DLG1: variants seen among roughly 807,000 people sequenced by gnomAD.
DLG1 encodes the protein discs large MAGUK scaffold protein 1.
A neutral mutation model predicts 123.4 loss-of-function variants in DLG1; 42 were observed. The observed-to-expected ratio is 0.34, with a 90% confidence interval of 0.27 to 0.44. DLG1 has a LOEUF of 0.44. Among genes scored for constraint, DLG1 ranks in the 20% least tolerant of loss-of-function variants. The pLI is 1.00. For synonymous variants in DLG1, 317 were observed against 356.2 expected (o/e 0.89, Z 1.24); for missense variants, 942 against 1,082.6 (o/e 0.87, Z 1.82).
chr3:197,082,886 C>T (rs996241536), intron 16 of DLG1, among the ~76,000 whole-genome samples: 1 of 152,068 alleles, frequency 6.6e-6, no homozygotes, highest in African/African-American at 2.4e-5. Context: ...AAAATCTCTC[C>T]AGTGAAGCCA....
chr3:197,243,374 G>T (rs1179381162), intron 4 of DLG1, among the ~76,000 whole-genome samples: 1 of 152,164 alleles, frequency 6.6e-6, no homozygotes, highest in African/African-American at 2.4e-5. Flanking sequence ...CCTTTGAAGA[G>T]AAACTGTTTG....
At chr3:197,289,031 A>G in intron 3 of DLG1, among the ~76,000 whole-genome samples, 1 of 152,178 alleles carries the variant, frequency 6.6e-6, no homozygotes, top group East Asian at 1.9e-4. Context: ...TTCTTGCTAT[A>G]TCTCACTGTG....
chr3:197,163,380 A>G (rs1018481280), intron 5 of DLG1, among the ~76,000 whole-genome samples: 1 of 152,188 alleles, frequency 6.6e-6, no homozygotes, highest in Admixed American at 6.5e-5. Flanking sequence ...CATATTCCCA[A>G]AAGTGAGAGC....
At chr3:197,260,750 C>CAAAAAAA (rs570596943) in intron 4 of DLG1, among the ~76,000 whole-genome samples, 9 of 18,314 alleles carry the variant, frequency 4.9e-4, no homozygotes, top group East Asian at 3.1e-3. Context: ...TGACAACCAC[C>CAAAAAAA]AAAAAAAAAA....
chr3:197,100,700 A>T (rs977429691), intron 14 of DLG1, among the ~76,000 whole-genome samples: 1 of 152,198 alleles, frequency 6.6e-6, no homozygotes, highest in African/African-American at 2.4e-5. Context: ...CCAGAACCCC[A>T]GAGTTGCCAC....
chr3:197,263,169 G>T (rs566582670), intron 4 of DLG1, among the ~76,000 whole-genome samples: 6 of 152,300 alleles, frequency 3.9e-5, no homozygotes, highest in African/African-American at 1.4e-4. Context: ...CCTTTACCTG[G>T]TTGCTCTCTT....
At chr3:197,066,502 A>G (rs1739647913) in intron 20 of DLG1, among the ~76,000 whole-genome samples, 1 of 152,306 alleles carries the variant, frequency 6.6e-6, no homozygotes, top group South Asian at 2.1e-4. Context: ...ACACAAATAT[A>G]AAAGTCAGTA....
At chr3:197,145,573 T>C (rs1036286972) in intron 6 of DLG1, among the ~76,000 whole-genome samples, 2 of 152,186 alleles carry the variant, frequency 1.3e-5, no homozygotes, top group African/African-American at 4.8e-5. Context: ...TTCGAAAACA[T>C]TTCCAAATGA....
chr3:197,142,931 GA>G, intron 6 of DLG1, 163 bp from the exon 7 acceptor site: 1 of 602,800 alleles, frequency 1.7e-6, no homozygotes, highest in Non-Finnish European at 2.9e-6. Flanking sequence ...TCAAGGAATG[GA>G]AAAATACAAA....
At chr3:197,229,670 T>A (rs965996982) in intron 4 of DLG1, among the ~76,000 whole-genome samples, 8 of 152,212 alleles carry the variant, frequency 5.3e-5, no homozygotes, top group Admixed American at 3.3e-4. Flanking sequence ...CTGGTCAAGT[T>A]TAACATCTTA....
intron 13 of DLG1, among the ~76,000 whole-genome samples, chr3:197,112,438 C>G (rs569524521): frequency 5.9e-5 from 9 of 152,276 alleles, no homozygotes; most frequent in African/African-American, 2.2e-4. Context: ...TGTGCTGTAC[C>G]TGCTCAAGTC....
intron 10 of DLG1, among the ~76,000 whole-genome samples, chr3:197,131,540 T>C (rs942547370): frequency 6.6e-6 from 1 of 151,072 alleles, no homozygotes; most frequent in African/African-American, 2.4e-5. Flanking sequence ...ATAGTCTATA[T>C]ACAATATGAT....
intron 11 of DLG1, among the ~76,000 whole-genome samples, chr3:197,126,711 T>A (rs1197240082): frequency 6.6e-6 from 1 of 152,192 alleles, no homozygotes; most frequent in Non-Finnish European, 1.5e-5. Context: ...AAAAGAAGTA[T>A]AAGACACCAT....
At chr3:197,288,739 A>C (rs1031133543) in intron 3 of DLG1, among the ~76,000 whole-genome samples, 34 of 49,870 alleles carry the variant, frequency 6.8e-4, no homozygotes, top group African/African-American at 3.7e-3. Context: ...AAAAAAAAAA[A>C]AAAAATACAT....
Position 197,203,970 on chromosome 3 carries a change from G to C in DLG1, c.319-9381C>G, listed in dbSNP as rs553387791. Among the ~76,000 whole-genome samples the C allele has an allele frequency of 2.4e-4, 36 of 152,302 alleles. No individual in the cohort carries two copies. In the East Asian group the frequency reaches 6.6e-3, roughly 28 times the overall value. ...CAAAGAGTCATACTGGGTTAGGAAT[G>C]AATCTCTCTGTGGCAGAAGGCCCCG... On this transcript the variant is annotated intron_variant, in intron 4 of 24. Transcript: ENST00000667157.
At chr3:197,082,239 G>A (rs1002931374) in intron 16 of DLG1, among the ~76,000 whole-genome samples, 2 of 151,866 alleles carry the variant, frequency 1.3e-5, no homozygotes. Context: ...GCGCAGTGGC[G>A]GGTGCCTGTA....
intron 13 of DLG1, among the ~76,000 whole-genome samples, chr3:197,115,371 CAAAA>C (rs959494776): frequency 7.6e-6 from 1 of 131,250 alleles, no homozygotes; most frequent in East Asian, 2.2e-4. Context: ...AATATCAAGC[CAAAA>C]AAAAAAAATC....
At chr3:197,093,364 G>A (rs1758820376) in intron 14 of DLG1, among the ~76,000 whole-genome samples, 1 of 152,116 alleles carries the variant, frequency 6.6e-6, no homozygotes, top group South Asian at 2.1e-4. Context: ...TCACCATGTT[G>A]GCCAGGATGG....
chr3:197,063,195 A>AG (rs1474831842), intron 22 of DLG1, among the ~76,000 whole-genome samples: 1 of 151,846 alleles, frequency 6.6e-6, no homozygotes, highest in Non-Finnish European at 1.5e-5. Flanking sequence ...AAAGTATAAA[A>AG]AAAAAAAAAG....
Sources: gnomAD v4.1 joint callset for allele counts (sites outside exome capture counted in the v4.1 genomes callset) on GRCh38, gnomAD v4.1.1 for gene constraint, MANE v1.5 for transcripts, NCBI Gene and HGNC (gene_info 2026-07-23, HGNC 2026-07-21) for gene names.